The following ZC3HAV1 variants were observed in gnomAD, a reference collection of about 807,000 sequenced individuals.
ZC3HAV1 encodes zinc finger CCCH-type antiviral protein 1.
Under a neutral mutation model 86.6 loss-of-function variants are expected in ZC3HAV1, and 41 were observed. That is an observed-to-expected ratio of 0.47 (90% CI 0.37 to 0.61). The LOEUF is 0.61. Ranked by LOEUF, ZC3HAV1 falls within the 20% of genes least tolerant of loss-of-function variation. ZC3HAV1 has a pLI of 0.00. For missense variants in ZC3HAV1, 964 were observed against 1,141.1 expected, an observed-to-expected ratio of 0.84 and a Z score of 2.24; for synonymous variants, 421 against 432.1, an observed-to-expected ratio of 0.97 and a Z score of 0.32.
chr7:139,086,602 C>T (rs1230671586), intron 2 of ZC3HAV1, among the ~76,000 whole-genome samples: 1 of 152,178 alleles, frequency 6.6e-6, no homozygotes, highest in Non-Finnish European at 1.5e-5. Context: ...TGCCGACCTC[C>T]TCCCTAGAAA....
At chr7:139,060,322 T>A in intron 9 of ZC3HAV1, 1 of 985,112 alleles carries the variant, frequency 1.0e-6, no homozygotes, top group Non-Finnish European at 1.2e-6. Flanking sequence ...AGAAAAAAAA[T>A]ATCCAACTCC....
chr7:139,073,217 T>C (rs1391933969), intron 7 of ZC3HAV1, among the ~76,000 whole-genome samples: 2 of 152,040 alleles, frequency 1.3e-5, no homozygotes, highest in African/African-American at 4.8e-5. Flanking sequence ...GAAGATCGCT[T>C]GAACCCAGGA....
chr7:139,054,247 C>A, intron 10 of ZC3HAV1, 152 bp from the exon 11 acceptor site: 1 of 730,590 alleles, frequency 1.4e-6, no homozygotes, highest in Non-Finnish European at 2.0e-6. Flanking sequence ...CCACATCTGC[C>A]AACTCATTCC....
chr7:139,092,298 A>G (rs1237051199), intron 1 of ZC3HAV1, among the ~76,000 whole-genome samples: 1 of 152,200 alleles, frequency 6.6e-6, no homozygotes, highest in Non-Finnish European at 1.5e-5. Flanking sequence ...CCAGTGAAAG[A>G]GCCAAGATGG....
In ZC3HAV1 at chr7:139,055,258, C is replaced by T; in HGVS notation, c.2134G>A (p.Ala712Thr). 6.2e-7 allele frequency: 1 copy of T among 1,613,368 alleles called. No homozygotes were observed. ...PAKTSSVSLT[A>T]TFRPQEDFCF... is the part of the protein sequence containing the mutation. The stretch of plus-strand genomic sequence containing the variant: ...AAGTCCTCCTGAGGACGAAAGGTCG[C>T]AGTTAAAGACACTGACGAGGTCTTT... Residue 712 changes from alanine (A) to threonine (T), a missense_variant, in exon 10 of 13, where the codon GCG (alanine) becomes ACG (threonine). Transcript: ENST00000242351.
chr7:139,095,574 A>G (rs1817560806), intron 1 of ZC3HAV1, among the ~76,000 whole-genome samples: 2 of 152,352 alleles, frequency 1.3e-5, no homozygotes, highest in South Asian at 4.1e-4. Flanking sequence ...AGAGGAAAGC[A>G]CCGAGGGCCT....
At position 139,061,148 on chromosome 7, in the gene ZC3HAV1, G is replaced by GAA; in HGVS notation, c.1994-12_1994-11dup. ...TTTGTCTGAATCATCCCTTTGGACAGAAAAAAAAATAAAAGCAGTGAGAAT... is the reference window on the plus strand; with the variant it reads ...TTTGTCTGAATCATCCCTTTGGACAGAAAAAAAAAAATAAAAGCAGTGAGAAT... On this transcript the variant is annotated splice_polypyrimidine_tract_variant and intron_variant, in intron 8 of 12. Transcript: ENST00000242351. The GAA allele has an allele frequency of 1.3e-6, 2 of 1,559,060 alleles. No individual in the cohort carries two copies. The highest frequency in any genetic ancestry group is 8.7e-7 in the Non-Finnish European group (1 of 1,150,118).
chr7:139,105,525 G>A (rs914021281), intron 1 of ZC3HAV1, among the ~76,000 whole-genome samples: 5 of 152,144 alleles, frequency 3.3e-5, no homozygotes, highest in African/African-American at 9.7e-5. Context: ...TATCCAAACC[G>A]ATTCACCAAA....
In ZC3HAV1 at chr7:139,057,759, C is replaced by T. The variant is rs1417155005; in HGVS notation, c.2097-2464G>A. ...GTTTCACCGTGTTAGCCAGGATGGT[C>T]TCGATCTCCTGACCTCGTGATCCGC... is the stretch of plus-strand genomic sequence containing the variant. On this transcript the variant is annotated intron_variant, in intron 9 of 12. Transcript: ENST00000242351. Among the ~76,000 whole-genome samples the T allele has an allele frequency of 1.9e-5, 2 of 107,834 alleles. 1 individual carries two copies. Among genetic ancestry groups the T allele is most frequent in the Non-Finnish European group, 3.8e-5 (2 of 53,320 alleles). 70.7% of individuals were successfully genotyped at this position (107,834 alleles called of 152,430 possible).
intron 1 of ZC3HAV1, among the ~76,000 whole-genome samples, chr7:139,097,428 ATTT>A (rs11291842): frequency 0.013 from 606 of 48,026 alleles, 8 homozygotes; most frequent in African/African-American, 0.016. Flanking sequence ...ATATATATAT[ATTT>A]TTTTTTTTTT....
chr7:139,084,340 C>T (rs896863195), intron 2 of ZC3HAV1, among the ~76,000 whole-genome samples: 4 of 152,198 alleles, frequency 2.6e-5, no homozygotes, highest in Admixed American at 1.3e-4. Flanking sequence ...GAACCCAGCA[C>T]AGGAAGGCTC....
intron 1 of ZC3HAV1, among the ~76,000 whole-genome samples, chr7:139,101,475 A>C (rs1343178571): frequency 2.7e-5 from 3 of 110,568 alleles, no homozygotes; most frequent in African/African-American, 7.1e-5. Context: ...GGATGTGAGG[A>C]GCGCCTCAGC....
At chr7:139,064,790 G>C (rs929329784) in intron 8 of ZC3HAV1, 89 bp downstream of exon 8, 3 of 1,594,042 alleles carry the variant, frequency 1.9e-6, no homozygotes, top group Non-Finnish European at 2.6e-6. Context: ...CCTGGCCATA[G>C]CAATGCATAC....
At chr7:139,106,622 T>C (rs1335780793) in intron 1 of ZC3HAV1, among the ~76,000 whole-genome samples, 2 of 152,088 alleles carry the variant, frequency 1.3e-5, no homozygotes, top group Non-Finnish European at 2.9e-5. Flanking sequence ...TTTAAAAAAA[T>C]CTTTTTTTAA....
In ZC3HAV1 at chr7:139,047,528, C is replaced by T. The variant is rs3087999; in HGVS notation, c.*66G>A. ...AATATAAAACTTTAACTCCTGTCTG[C>T]GGCAATTTAGTTCTGTAAAGGAACA... On this transcript the variant is annotated 3_prime_UTR_variant, in exon 13 of 13. Coordinates refer to ENST00000242351, the MANE Select transcript of ZC3HAV1 (RefSeq NM_020119.4). 3.1e-5 allele frequency: 49 copies of T among 1,598,060 alleles called. No homozygotes were observed. The highest frequency in any genetic ancestry group is 8.9e-5 in the East Asian group (4 of 44,780).
chr7:139,109,304 T>C lies in ZC3HAV1; in HGVS notation c.28A>G (p.Ile10Val). The change falls in exon 1 of 13, where the codon ATC becomes GTC. Residue 10 changes from isoleucine to valine, a missense_variant. Physicochemically the swap from Ile to Val is conservative, Grantham distance 29. Coordinates refer to ENST00000242351, the MANE Select transcript of ZC3HAV1 (RefSeq NM_020119.4). ...CCGTGGGCGCACAGGATTTTGGTGA[T>C]GAAGCAGCACACCTCCGGGTCCGCC... is the stretch of plus-strand genomic sequence containing the variant. MADPEVCCF[I>V]TKILCAHGGR... is the part of the protein sequence containing the mutation. 6.2e-7 allele frequency: 1 copy of C among 1,608,208 alleles called. No homozygotes were observed. The highest frequency in any genetic ancestry group is 8.5e-7 in the Non-Finnish European group (1 of 1,178,038).
chr7:139,080,855 G>A (rs186779957), intron 3 of ZC3HAV1, among the ~76,000 whole-genome samples: 7 of 152,300 alleles, frequency 4.6e-5, no homozygotes, highest in East Asian at 3.9e-4. Flanking sequence ...TGCCCATATC[G>A]TGATACGGGT....
intron 6 of ZC3HAV1, 107 bp from the exon 7 acceptor site, chr7:139,074,137 A>C: frequency 9.0e-7 from 1 of 1,107,148 alleles, no homozygotes; most frequent in South Asian, 1.7e-5. Context: ...GGGCTAAAAT[A>C]GATCTTCAAG....
chr7:139,104,543 G>A (rs1163421341), intron 1 of ZC3HAV1, among the ~76,000 whole-genome samples: 1 of 150,836 alleles, frequency 6.6e-6, no homozygotes, highest in Non-Finnish European at 1.5e-5. Flanking sequence ...GTGAAATCCC[G>A]TCTCTACTAA....
Sources: gnomAD v4.1 joint callset for allele counts (sites outside exome capture counted in the v4.1 genomes callset) on GRCh38, gnomAD v4.1.1 for gene constraint, MANE v1.5 for transcripts, NCBI Gene and HGNC (gene_info 2026-07-23, HGNC 2026-07-21) for gene names.